The following MAP4 variants were observed in gnomAD, a reference collection of about 807,000 sequenced individuals.
MAP4 encodes the protein microtubule-associated protein 4.
A neutral mutation model predicts 170.2 loss-of-function variants in MAP4; 76 were observed. That is an observed-to-expected ratio of 0.45 (90% CI 0.37 to 0.54). MAP4 has a LOEUF of 0.54. Ranked by LOEUF, MAP4 falls within the 20% of genes least tolerant of loss-of-function variation. The pLI is 0.00. For missense variants in MAP4, 2,506 were observed against 2,748.0 expected, an observed-to-expected ratio of 0.91 and a Z score of 1.97; for synonymous variants, 909 against 994.5, an observed-to-expected ratio of 0.91 and a Z score of 1.62.
intron 17 of MAP4, among the ~76,000 whole-genome samples, chr3:47,860,435 C>T (rs1218207548): frequency 1.3e-5 from 2 of 152,226 alleles, no homozygotes; most frequent in African/African-American, 2.4e-5. Flanking sequence ...CTGAAGCAAC[C>T]CACTTGCCTT....
intron 2 of MAP4, among the ~76,000 whole-genome samples, chr3:47,991,984 A>C (rs896080854): frequency 2.1e-5 from 3 of 144,330 alleles, no homozygotes; most frequent in Admixed American, 1.4e-4. Context: ...CCCTGTCTTC[A>C]AAAAAAAAAA....
In MAP4 at chr3:47,890,686, G is replaced by A. The variant is rs2098396815; in HGVS notation, c.5434+12264C>T. Among the ~76,000 whole-genome samples the A allele has an allele frequency of 3.3e-5, 5 of 152,278 alleles. No homozygotes were observed. In the South Asian group the frequency reaches 1.0e-3, roughly 32 times the overall value. On this transcript the variant is annotated intron_variant, in intron 10 of 20. Transcript: ENST00000683076. Reference sequence around the variant, plus strand: ...ACCAACAGGGAGCTGAGGGCTGGGTGGATGGGGGATGGGTTGGACAGGGTG... The same window carrying A: ...ACCAACAGGGAGCTGAGGGCTGGGTAGATGGGGGATGGGTTGGACAGGGTG...
intron 3 of MAP4, among the ~76,000 whole-genome samples, chr3:47,947,757 G>C (rs1045968309): frequency 3.4e-5 from 5 of 146,058 alleles, no homozygotes; most frequent in Non-Finnish European, 7.5e-5. Flanking sequence ...GTTGCAGTGA[G>C]CCAAGATCGC....
intron 1 of MAP4, among the ~76,000 whole-genome samples, chr3:48,071,959 G>A (rs148417447): frequency 9.2e-5 from 14 of 151,816 alleles, no homozygotes; most frequent in African/African-American, 2.4e-4. Context: ...AGTGGCTCAC[G>A]TCTGTAACCC....
At chr3:48,055,182 C>CGTCTCCG (rs2100130185) in intron 1 of MAP4, among the ~76,000 whole-genome samples, 2 of 82,190 alleles carry the variant, frequency 2.4e-5, no homozygotes, top group African/African-American at 1.0e-4. Flanking sequence ...AAAAGTCTCC[C>CGTCTCCG]TCTCCCTCTC....
intron 1 of MAP4, among the ~76,000 whole-genome samples, chr3:48,038,219 G>T (rs2088906321): frequency 6.6e-6 from 1 of 150,890 alleles, no homozygotes; most frequent in Admixed American, 6.6e-5. Flanking sequence ...GGAATATTTG[G>T]ATGCTCACCC....
intron 10 of MAP4, among the ~76,000 whole-genome samples, chr3:47,899,350 G>C (rs1250603056): frequency 2.0e-5 from 3 of 152,086 alleles, no homozygotes; most frequent in African/African-American, 7.2e-5. Flanking sequence ...ATGTTGGCCA[G>C]GCTAATCTGG....
chr3:47,886,115 A>G (rs556537704), intron 10 of MAP4, among the ~76,000 whole-genome samples: 90 of 152,332 alleles, frequency 5.9e-4, no homozygotes, highest in African/African-American at 1.9e-3. Context: ...ATATTTTTCA[A>G]TAAGTTCAGC....
intron 10 of MAP4, among the ~76,000 whole-genome samples, chr3:47,889,827 T>C (rs2098260123): frequency 6.6e-6 from 1 of 152,072 alleles, no homozygotes; most frequent in African/African-American, 2.4e-5. Flanking sequence ...TGAATGCTTG[T>C]AATTCTGGAG....
chr3:48,045,699 G>A (rs2100124143), intron 1 of MAP4, among the ~76,000 whole-genome samples: 1 of 152,218 alleles, frequency 6.6e-6, no homozygotes, highest in Non-Finnish European at 1.5e-5. Context: ...AGTTTAAATA[G>A]TGCTTACATT....
Position 47,991,526 on chromosome 3 carries a change from G to A in MAP4, c.223+7112C>T, listed in dbSNP as rs540350056. Among the ~76,000 whole-genome samples, 195 of 152,248 alleles carry A rather than the reference G, an allele frequency of 1.3e-3. No individual in the cohort carries two copies. In the Middle Eastern group the frequency reaches 0.02, roughly 16 times the overall value. On this transcript the variant is annotated intron_variant, in intron 2 of 20. Transcript: ENST00000683076. ...GCTATAAAAATAAAAGGATAAGCAA[G>A]GCACGCGCACCTGTAGTCCAAGCTA... is the stretch of plus-strand genomic sequence containing the variant.
chr3:48,041,354 C>T (rs2100121538), intron 1 of MAP4, among the ~76,000 whole-genome samples: 1 of 151,346 alleles, frequency 6.6e-6, no homozygotes, highest in Admixed American at 6.6e-5. Context: ...TCAGGTAATC[C>T]ACCTGCCTTG....
At position 47,916,896 on chromosome 3, in the gene MAP4, C is replaced by T; in HGVS notation, c.931G>A (p.Glu311Lys). The part of the protein sequence containing the change: ...ALVKDMELPT[E>K]KEVALVKDVR... Reference sequence around the variant, plus strand: ...TCCTTAACCAGGGCCACTTCTTTTTCTGTGGGTAGTTCCATGTCCTTGACT... The same window carrying T: ...TCCTTAACCAGGGCCACTTCTTTTTTTGTGGGTAGTTCCATGTCCTTGACT... The change falls in exon 7 of 21, where the codon GAA (glutamate) becomes AAA (lysine). Residue 311 changes from glutamate (E) to lysine (K), a missense_variant. Glu to Lys is a moderately conservative substitution (Grantham distance 56). Coordinates refer to ENST00000683076, the MANE Select transcript of MAP4 (RefSeq NM_001385682.1). 1 of 1,614,232 alleles carries T rather than the reference C, an allele frequency of 6.2e-7. No individual in the cohort carries two copies. Among genetic ancestry groups the T allele is most frequent in the Non-Finnish European group, 8.5e-7 (1 of 1,180,040 alleles).
chr3:47,892,903 C>A (rs1195366060), intron 10 of MAP4: 1 of 989,796 alleles, frequency 1.0e-6, no homozygotes. Context: ...TATCTGATAC[C>A]ATGCCCACCC....
chr3:48,077,721 G>T (rs76174143), intron 1 of MAP4, among the ~76,000 whole-genome samples: 206 of 152,192 alleles, frequency 1.4e-3, no homozygotes, highest in African/African-American at 4.6e-3. Flanking sequence ...AAAAATAAAT[G>T]TCCATATAAA....
At chr3:47,997,467 A>C (rs558006691) in intron 2 of MAP4, among the ~76,000 whole-genome samples, 1 of 151,938 alleles carries the variant, frequency 6.6e-6, no homozygotes, top group South Asian at 2.1e-4. Flanking sequence ...TAAAATGGTG[A>C]TTAGAGGGTA....
intron 12 of MAP4, among the ~76,000 whole-genome samples, chr3:47,873,359 G>A (rs1325398345): frequency 6.6e-6 from 1 of 152,122 alleles, no homozygotes; most frequent in Admixed American, 6.5e-5. Flanking sequence ...ACACTATTTT[G>A]ATAAACAAAT....
chr3:47,894,159 C>T (rs1018261924), intron 10 of MAP4, among the ~76,000 whole-genome samples: 13 of 152,008 alleles, frequency 8.6e-5, no homozygotes, highest in African/African-American at 2.9e-4. Context: ...CATGACAAAG[C>T]ACAATACAGA....
intron 1 of MAP4, among the ~76,000 whole-genome samples, chr3:48,045,900 A>G (rs2100124296): frequency 6.6e-6 from 1 of 152,092 alleles, no homozygotes; most frequent in African/African-American, 2.4e-5. Flanking sequence ...AGTCTGGAAT[A>G]GCATCAAATA....
Sources: allele counts gnomAD v4.1 joint callset (sites outside exome capture counted in the v4.1 genomes callset), GRCh38; gene constraint gnomAD v4.1.1; transcripts MANE v1.5; gene names NCBI Gene and HGNC (gene_info 2026-07-23, HGNC 2026-07-21).